PRELID2: variants seen among roughly 807,000 people sequenced by gnomAD.
PRELID2 encodes PRELI domain containing 2, also known as PRELI domain-containing protein 2.
Under a neutral mutation model 28.4 loss-of-function variants are expected in PRELID2, and 25 were observed. The observed-to-expected ratio is 0.88, with a 90% CI of 0.64 to 1.23. The LOEUF (loss-of-function observed/expected upper bound fraction) is 1.23. Ranked by LOEUF, PRELID2 falls within the 50% of genes most tolerant of loss-of-function variation. The probability of loss-of-function intolerance (pLI) is 0.00; values close to 1 mark genes in which losing one functional copy is unlikely to be tolerated. For synonymous variants in PRELID2, 76 were observed against 71.6 expected (o/e 1.06, Z -0.31); for missense variants, 201 against 214.4 (o/e 0.94, Z 0.39).
intron 1 of PRELID2, among the ~76,000 whole-genome samples, chr5:145,583,759 A>T (rs1173861051): frequency 6.6e-6 from 1 of 152,148 alleles, no homozygotes; most frequent in East Asian, 1.9e-4. Flanking sequence ...CTTCAAGGAG[A>T]ACACAAACCA....
the PRELID2 span, among the ~76,000 whole-genome samples, chr5:145,413,798 T>C: frequency 6.6e-6 from 1 of 152,176 alleles, no homozygotes; most frequent in Non-Finnish European, 1.5e-5. Flanking sequence ...CATGCAGTGT[T>C]TGTCTTTCTG....
At chr5:145,375,494 T>C in the PRELID2 span, among the ~76,000 whole-genome samples, 1 of 152,130 alleles carries the variant, frequency 6.6e-6, no homozygotes, top group East Asian at 1.9e-4. Context: ...AAGCACTTTG[T>C]CCCTTGGTGG....
chr5:145,298,061 T>C, the PRELID2 span, among the ~76,000 whole-genome samples: 5 of 152,068 alleles, frequency 3.3e-5, no homozygotes, highest in African/African-American at 1.2e-4. Context: ...AATTTATAGA[T>C]TCAATGCCAT....
intron 1 of PRELID2, among the ~76,000 whole-genome samples, chr5:145,531,110 T>A (rs1752651747): frequency 6.6e-6 from 1 of 152,194 alleles, no homozygotes; most frequent in Admixed American, 6.5e-5. Flanking sequence ...CTGAGAGGGC[T>A]CTTTGATCTA....
the PRELID2 span, among the ~76,000 whole-genome samples, chr5:145,369,241 C>CCTATTA: frequency 6.6e-6 from 1 of 151,710 alleles, no homozygotes; most frequent in South Asian, 2.1e-4. Flanking sequence ...GTTTGCTGCA[C>CCTATTA]CTATTAACCC....
chr5:145,688,328 T>G (rs1408516834), intron 1 of PRELID2, among the ~76,000 whole-genome samples: 5 of 152,192 alleles, frequency 3.3e-5, no homozygotes, highest in African/African-American at 1.2e-4. Context: ...GGTAGTCACT[T>G]AGGGCGTGAC....
At chr5:145,291,376 G>C in the PRELID2 span, among the ~76,000 whole-genome samples, 1 of 143,850 alleles carries the variant, frequency 7.0e-6, no homozygotes, top group East Asian at 2.0e-4. Flanking sequence ...AGGGGTATTT[G>C]GATACAGACA....
chr5:145,637,428 T>G (rs1267220333), intron 1 of PRELID2, among the ~76,000 whole-genome samples: 2 of 152,088 alleles, frequency 1.3e-5, no homozygotes, highest in Non-Finnish European at 2.9e-5. Flanking sequence ...ATTTCTACAC[T>G]GTGCTATGTC....
chr5:145,721,548 T>C (rs1055912521), intron 1 of PRELID2, among the ~76,000 whole-genome samples: 1 of 152,162 alleles, frequency 6.6e-6, no homozygotes, highest in Admixed American at 6.5e-5. Flanking sequence ...TAAAATCACA[T>C]AGTAATTTTA....
chr5:145,799,891 A>C (rs1257310212), intron 4 of PRELID2, among the ~76,000 whole-genome samples: 2 of 152,208 alleles, frequency 1.3e-5, no homozygotes, highest in Non-Finnish European at 2.9e-5. Flanking sequence ...TAATGCTTTT[A>C]GGCAATCTCC....
At chr5:145,613,636 G>T (rs1753654188) in intron 1 of PRELID2, among the ~76,000 whole-genome samples, 1 of 151,988 alleles carries the variant, frequency 6.6e-6, no homozygotes, top group Non-Finnish European at 1.5e-5. Context: ...CTTCTTTTGA[G>T]AATTGTCTAT....
At chr5:145,544,263 C>A (rs1752768125) in intron 1 of PRELID2, among the ~76,000 whole-genome samples, 1 of 151,912 alleles carries the variant, frequency 6.6e-6, no homozygotes, top group Admixed American at 6.6e-5. Flanking sequence ...TTGAATGCAC[C>A]ACACTATCAT....
chr5:145,241,617 GA>G, the PRELID2 span, among the ~76,000 whole-genome samples: 1 of 151,320 alleles, frequency 6.6e-6, no homozygotes. Context: ...TTCAGGACTT[GA>G]AATCCACTGT....
At chr5:145,347,401 C>T in the PRELID2 span, among the ~76,000 whole-genome samples, 5 of 152,102 alleles carry the variant, frequency 3.3e-5, no homozygotes, top group Non-Finnish European at 7.4e-5. Flanking sequence ...GTAGTCATGT[C>T]GAGTGGAGCA....
chr5:145,761,026 T>C (rs187093936), intron 6 of PRELID2, among the ~76,000 whole-genome samples: 3 of 152,390 alleles, frequency 2.0e-5, no homozygotes, highest in South Asian at 2.1e-4. Context: ...AATGCCCACT[T>C]GGACATACAG....
chr5:145,706,681 G>A (rs1471352754), intron 1 of PRELID2, among the ~76,000 whole-genome samples: 1 of 152,158 alleles, frequency 6.6e-6, no homozygotes, highest in East Asian at 1.9e-4. Context: ...TGTCAGCATT[G>A]TTCAGTCTAA....
At chr5:145,383,356 G>T in the PRELID2 span, among the ~76,000 whole-genome samples, 1 of 146,984 alleles carries the variant, frequency 6.8e-6, no homozygotes, top group African/African-American at 2.5e-5. Context: ...ACATACACAC[G>T]TCCATATATA....
intron 5 of PRELID2, chr5:145,795,384 G>A (rs1014292): frequency 0.13 from 19,500 of 152,094 alleles, 1,375 homozygotes; most frequent in South Asian, 0.21. Flanking sequence ...ACCTCAACTG[G>A]AGCAAGAACA....
chr5:145,823,181 G>T, intron 1 of PRELID2, 47 bp from the exon 2 acceptor site: 2 of 956,362 alleles, frequency 2.1e-6, no homozygotes, highest in Non-Finnish European at 3.4e-6. Context: ...CTTCTACCAA[G>T]GTGAACTATT....
Sources: gnomAD v4.1 joint callset for allele counts (sites outside exome capture counted in the v4.1 genomes callset) on GRCh38, gnomAD v4.1.1 for gene constraint, MANE v1.5 for transcripts, NCBI Gene and HGNC (gene_info 2026-07-23, HGNC 2026-07-21) for gene names.